SGCD: variants seen among roughly 807,000 people sequenced by gnomAD.
The protein encoded by SGCD is sarcoglycan delta, also known as delta-sarcoglycan.
Under a neutral mutation model 36.6 loss-of-function variants are expected in SGCD, and 18 were observed. That is an observed-to-expected ratio of 0.49 (90% CI 0.34 to 0.73). The LOEUF is 0.73. SGCD is among the 30% of genes least tolerant of loss of function. The pLI, the probability that SGCD is intolerant of heterozygous loss-of-function variation, is 0.01. For missense variants in SGCD, 387 were observed against 346.7 expected (o/e 1.12, Z -0.92); for synonymous variants, 133 against 130.6 (o/e 1.02, Z -0.12).
At chr5:156,375,200 G>C (rs918867326) in intron 3 of SGCD, among the ~76,000 whole-genome samples, 1 of 151,812 alleles carries the variant, frequency 6.6e-6, no homozygotes, top group East Asian at 1.9e-4. Flanking sequence ...CCCCATATGT[G>C]CTTTTTAAAA....
chr5:155,799,810 CCCTTTTTTTTTTTTT>C, the SGCD span, among the ~76,000 whole-genome samples: 7 of 90,294 alleles, frequency 7.8e-5, no homozygotes, highest in African/African-American at 8.5e-5. Context: ...CTTCCTATTC[CCCTTTTTTTTTTTTT>C]TTTTTTTTTT....
intron 3 of SGCD, among the ~76,000 whole-genome samples, chr5:156,241,364 G>A (rs1765302735): frequency 2.0e-5 from 3 of 151,868 alleles, no homozygotes; most frequent in Non-Finnish European, 2.9e-5. Context: ...GATTTCTAGT[G>A]AATAAATTTA....
chr5:155,978,534 A>G (rs1312545549), intron 1 of SGCD, among the ~76,000 whole-genome samples: 2 of 152,256 alleles, frequency 1.3e-5, no homozygotes, highest in African/African-American at 2.4e-5. Context: ...TATTACACCA[A>G]TGAGATGTGT....
chr5:155,846,866 C>G, the SGCD span, among the ~76,000 whole-genome samples: 1 of 152,158 alleles, frequency 6.6e-6, no homozygotes, highest in Non-Finnish European at 1.5e-5. Context: ...GCTTTATTTT[C>G]TATTCAACCT....
At chr5:156,232,397 C>CA (rs1765041878) in intron 3 of SGCD, among the ~76,000 whole-genome samples, 1 of 152,132 alleles carries the variant, frequency 6.6e-6, no homozygotes, top group Admixed American at 6.5e-5. Context: ...AATGTTGAGG[C>CA]AAAAAACCCA....
intron 1 of SGCD, among the ~76,000 whole-genome samples, chr5:155,910,171 C>T (rs976380031): frequency 1.4e-4 from 21 of 151,970 alleles, no homozygotes; most frequent in Admixed American, 1.4e-3. Context: ...CCATCACTAC[C>T]TTCCCAGCCC....
chr5:156,683,183 AC>A (rs1270550723), intron 7 of SGCD, among the ~76,000 whole-genome samples: 1 of 152,194 alleles, frequency 6.6e-6, no homozygotes, highest in Non-Finnish European at 1.5e-5. Context: ...ATTGCAGGAA[AC>A]ACCTGAGTGT....
chr5:155,953,391 A>G (rs1283865246), intron 1 of SGCD, among the ~76,000 whole-genome samples: 4 of 152,158 alleles, frequency 2.6e-5, no homozygotes, highest in African/African-American at 9.7e-5. Flanking sequence ...GTACTCATTC[A>G]TCTACACATT....
At chr5:156,408,980 G>C (rs551102931) in intron 3 of SGCD, among the ~76,000 whole-genome samples, 1 of 152,246 alleles carries the variant, frequency 6.6e-6, no homozygotes, top group African/African-American at 2.4e-5. Context: ...CCTAGTGAAT[G>C]GGGCTTATAT....
chr5:156,419,274 C>T (rs1382153215), intron 3 of SGCD, among the ~76,000 whole-genome samples: 1 of 152,076 alleles, frequency 6.6e-6, no homozygotes, highest in Non-Finnish European at 1.5e-5. Context: ...TTTATCTTAG[C>T]AAAAGAATGG....
chr5:156,638,620 T>A (rs1762918904), intron 6 of SGCD, among the ~76,000 whole-genome samples: 1 of 152,226 alleles, frequency 6.6e-6, no homozygotes, highest in African/African-American at 2.4e-5. Flanking sequence ...AATTGTTTGT[T>A]ATACTGTGCA....
At chr5:156,713,539 T>A (rs1390656224) in intron 7 of SGCD, among the ~76,000 whole-genome samples, 1 of 152,190 alleles carries the variant, frequency 6.6e-6, no homozygotes, top group African/African-American at 2.4e-5. Flanking sequence ...AACGCTTCTC[T>A]GTCAGAACCT....
chr5:155,993,917 C>T (rs985641166), intron 1 of SGCD, among the ~76,000 whole-genome samples: 1 of 152,158 alleles, frequency 6.6e-6, no homozygotes, highest in African/African-American at 2.4e-5. Context: ...CATGAAAGTC[C>T]ACCAAGGTTC....
chr5:156,698,462 G>T (rs1307227746), intron 7 of SGCD, among the ~76,000 whole-genome samples: 8 of 152,322 alleles, frequency 5.3e-5, no homozygotes, highest in Admixed American at 4.6e-4. Context: ...CTTTAGCAAA[G>T]TGTAGCAATC....
At position 156,438,830 on chromosome 5, in the gene SGCD, A is replaced by G. The variant is rs145297569; in HGVS notation, c.193-69771A>G. Among the ~76,000 whole-genome samples, 12 of 152,288 alleles carry G rather than the reference A, an allele frequency of 7.9e-5. No homozygotes were observed. The East Asian group carries it at 2.3e-3, about 29-fold the overall frequency. ...TAATAGCTGCAGTAGTAATTGTGAT[A>G]ACAGTCATAACAACTCAACATGAAC... On this transcript the variant is annotated intron_variant, in intron 3 of 8. Transcript: ENST00000337851.
intron 1 of SGCD, among the ~76,000 whole-genome samples, chr5:156,011,260 C>A (rs897798211): frequency 1.3e-5 from 2 of 152,072 alleles, no homozygotes; most frequent in African/African-American, 4.8e-5. Flanking sequence ...TCCTTCAAGC[C>A]AGGTGTCTTT....
In SGCD at chr5:156,406,817, TATACACACAC is replaced by T. The variant is rs1461509849; in HGVS notation, c.192+62142_192+62151del. Among the ~76,000 whole-genome samples, 259 of 113,808 alleles carry T rather than the reference TATACACACAC, an allele frequency of 2.3e-3. 4 individuals carry two copies. Among genetic ancestry groups the T allele is most frequent in the East Asian group, 0.015 (55 of 3,604 alleles). 74.7% of individuals were successfully genotyped at this position (113,808 alleles called of 152,430 possible). On this transcript the variant is annotated intron_variant, in intron 3 of 8. Coordinates refer to ENST00000337851, the MANE Select transcript of SGCD (RefSeq NM_000337.6). The stretch of plus-strand genomic sequence containing the variant: ...ATATATATATATATATATATATATA[TATACACACAC>T]ACACACACACACACATATATATGTG...
intron 3 of SGCD, among the ~76,000 whole-genome samples, chr5:156,493,066 T>G (rs996863818): frequency 2.0e-5 from 3 of 152,162 alleles, no homozygotes; most frequent in Non-Finnish European, 4.4e-5. Context: ...TATAATCCTT[T>G]GGGTATATAC....
chr5:155,888,636 G>A (rs1008288266), intron 1 of SGCD, among the ~76,000 whole-genome samples: 2 of 152,052 alleles, frequency 1.3e-5, no homozygotes, highest in African/African-American at 4.8e-5. Flanking sequence ...GGGAGGGGGA[G>A]GACTTAGCAA....
Sources: gnomAD v4.1 joint callset for allele counts (sites outside exome capture counted in the v4.1 genomes callset) on GRCh38, gnomAD v4.1.1 for gene constraint, MANE v1.5 for transcripts, NCBI Gene and HGNC (gene_info 2026-07-23, HGNC 2026-07-21) for gene names.